The following KCNK13 variants were observed in gnomAD, a reference collection of about 807,000 sequenced individuals.
KCNK13 encodes the protein potassium two pore domain channel subfamily K member 13.
KCNK13 carries 12 observed loss-of-function variants against 23.4 expected under a neutral mutation model. The ratio of observed to expected loss-of-function variants is 0.51; its 90% CI spans 0.33 to 0.83. The LOEUF (loss-of-function observed/expected upper bound fraction) is 0.83. Ranked by LOEUF, KCNK13 falls within the 40% of genes least tolerant of loss-of-function variation. KCNK13 has a pLI of 0.02. For synonymous variants in KCNK13, 231 were observed against 229.5 expected (o/e 1.01, Z -0.06); for missense variants, 463 against 556.3 (o/e 0.83, Z 1.69).
At chr14:90,074,860 C>T (rs1004519662) in intron 1 of KCNK13, among the ~76,000 whole-genome samples, 5 of 152,112 alleles carry the variant, frequency 3.3e-5, no homozygotes, top group South Asian at 2.1e-4. Flanking sequence ...TCATTATAAT[C>T]GTATTGCCTT....
chr14:90,081,459 A>G (rs1889208772), intron 1 of KCNK13, among the ~76,000 whole-genome samples: 2 of 152,184 alleles, frequency 1.3e-5, no homozygotes, highest in Non-Finnish European at 2.9e-5. Flanking sequence ...TCATCCACAA[A>G]CATGTAAGCC....
chr14:90,167,031 A>T (rs1388012394), intron 1 of KCNK13, among the ~76,000 whole-genome samples: 1 of 152,162 alleles, frequency 6.6e-6, no homozygotes. Flanking sequence ...TAGCTACATG[A>T]CTTTGAGCAA....
At chr14:90,117,909 C>A (rs1048451538) in intron 1 of KCNK13, among the ~76,000 whole-genome samples, 1 of 152,212 alleles carries the variant, frequency 6.6e-6, no homozygotes, top group Non-Finnish European at 1.5e-5. Flanking sequence ...AGACAGTTCT[C>A]ATTAAATGGA....
At chr14:90,079,917 G>T (rs546827003) in intron 1 of KCNK13, among the ~76,000 whole-genome samples, 53 of 152,238 alleles carry the variant, frequency 3.5e-4, no homozygotes, top group African/African-American at 1.2e-3. Flanking sequence ...TGGGTGTGTT[G>T]GGAGGCACAC....
At chr14:90,180,233 GGT>G (rs1316360413) in intron 1 of KCNK13, among the ~76,000 whole-genome samples, 3 of 152,160 alleles carry the variant, frequency 2.0e-5, no homozygotes, top group Non-Finnish European at 4.4e-5. Context: ...CCCCAGTGTG[GGT>G]GTGAGGAGTT....
intron 1 of KCNK13, among the ~76,000 whole-genome samples, chr14:90,181,256 G>C (rs746196246): frequency 3.9e-5 from 6 of 152,194 alleles, no homozygotes; most frequent in Admixed American, 3.3e-4. Context: ...CACATGGGCT[G>C]CTATAAGAAA....
intron 1 of KCNK13, among the ~76,000 whole-genome samples, chr14:90,084,393 T>A (rs1177510117): frequency 6.6e-6 from 1 of 152,238 alleles, no homozygotes; most frequent in African/African-American, 2.4e-5. Flanking sequence ...ATTATTTTAA[T>A]CCTATTGCAA....
chr14:90,156,691 G>A (rs1010129589), intron 1 of KCNK13, among the ~76,000 whole-genome samples: 1 of 152,096 alleles, frequency 6.6e-6, no homozygotes, highest in Non-Finnish European at 1.5e-5. Flanking sequence ...AGTCCTGTGG[G>A]GTATTACGAT....
At chr14:90,136,134 T>C (rs1292754604) in intron 1 of KCNK13, among the ~76,000 whole-genome samples, 1 of 151,230 alleles carries the variant, frequency 6.6e-6, no homozygotes, top group Non-Finnish European at 1.5e-5. Context: ...GTGGCCAGAA[T>C]GTGGATGACA....
intron 1 of KCNK13, among the ~76,000 whole-genome samples, chr14:90,111,748 CTG>C (rs1889617616): frequency 6.6e-6 from 1 of 152,226 alleles, no homozygotes; most frequent in Admixed American, 6.5e-5. Context: ...CACTTTCCCT[CTG>C]TGCAGGCAGT....
intron 1 of KCNK13, among the ~76,000 whole-genome samples, chr14:90,154,646 T>A (rs1178080058): frequency 6.6e-6 from 1 of 152,214 alleles, no homozygotes; most frequent in African/African-American, 2.4e-5. Context: ...CTCAGAACTA[T>A]CAGAGGTATC....
intron 1 of KCNK13, among the ~76,000 whole-genome samples, chr14:90,170,555 G>A (rs897532714): frequency 1.3e-5 from 2 of 152,100 alleles, no homozygotes; most frequent in African/African-American, 4.8e-5. Flanking sequence ...TTAAGCATGC[G>A]TGCCAGGGAG....
chr14:90,087,288 T>A (rs1889292648), intron 1 of KCNK13, among the ~76,000 whole-genome samples: 1 of 151,644 alleles, frequency 6.6e-6, no homozygotes, highest in South Asian at 2.1e-4. Context: ...CCCAGGCCAT[T>A]ATTTCGTGGT....
intron 1 of KCNK13, among the ~76,000 whole-genome samples, chr14:90,063,498 A>G (rs1379996573): frequency 2.0e-5 from 3 of 152,150 alleles, no homozygotes; most frequent in Non-Finnish European, 4.4e-5. Context: ...TGCTGTAGAA[A>G]TAAATTCTGA....
intron 1 of KCNK13, among the ~76,000 whole-genome samples, chr14:90,122,813 C>G (rs1442075457): frequency 6.6e-6 from 1 of 152,194 alleles, no homozygotes; most frequent in Non-Finnish European, 1.5e-5. Context: ...ATGGTTTGCT[C>G]TGTGACATTG....
intron 1 of KCNK13, among the ~76,000 whole-genome samples, chr14:90,090,764 T>C (rs1195931242): frequency 3.3e-5 from 5 of 152,186 alleles, no homozygotes; most frequent in Admixed American, 1.3e-4. Context: ...ATTCTCGTGA[T>C]AGTGAATGTG....
intron 1 of KCNK13, among the ~76,000 whole-genome samples, chr14:90,140,317 C>A (rs1361999489): frequency 1.3e-5 from 2 of 152,202 alleles, no homozygotes; most frequent in African/African-American, 4.8e-5. Context: ...TTGTTCATTT[C>A]TTCTGGTTCT....
intron 1 of KCNK13, among the ~76,000 whole-genome samples, chr14:90,167,749 T>A (rs1466666456): frequency 6.6e-6 from 1 of 152,080 alleles, no homozygotes; most frequent in Non-Finnish European, 1.5e-5. Context: ...CATTGCTGCA[T>A]CTCCCTCTTC....
intron 1 of KCNK13, among the ~76,000 whole-genome samples, chr14:90,080,746 T>C (rs1889199164): frequency 6.6e-6 from 1 of 152,140 alleles, no homozygotes; most frequent in Non-Finnish European, 1.5e-5. Context: ...CTGTCTGGGA[T>C]CACCTGTTTT....
Sources: gnomAD v4.1 joint callset for allele counts (sites outside exome capture counted in the v4.1 genomes callset) on GRCh38, gnomAD v4.1.1 for gene constraint, MANE v1.5 for transcripts, NCBI Gene and HGNC (gene_info 2026-07-23, HGNC 2026-07-21) for gene names.